Variants in GRIK1 observed in about 807,000 individuals in gnomAD.
The protein encoded by GRIK1 is glutamate ionotropic receptor kainate type subunit 1.
Under a neutral mutation model 105.7 loss-of-function variants are expected in GRIK1, and 69 were observed. The observed-to-expected ratio is 0.65, with a 90% CI of 0.54 to 0.80. GRIK1 has a LOEUF of 0.80. Among genes scored for constraint, GRIK1 ranks in the 30% least tolerant of loss-of-function variants. GRIK1 has a pLI of 0.00. For missense variants in GRIK1, 1,109 were observed against 1,167.3 expected (o/e 0.95, Z 0.73); for synonymous variants, 438 against 431.3 (o/e 1.02, Z -0.19).
At chr21:29,677,503 A>G (rs539996493) in intron 3 of GRIK1, among the ~76,000 whole-genome samples, 2 of 152,182 alleles carry the variant, frequency 1.3e-5, no homozygotes, top group African/African-American at 4.8e-5. Context: ...TACTCGGTGC[A>G]CTCAGATGTG....
chr21:29,888,198 T>TTTCTTTCTTCTTTCTTTCTTTCTTTCTTC lies in GRIK1; in HGVS notation c.118+51184_118+51185insGAAGAAAGAAAGAAAGAAAGAAGAAAGAA, dbSNP rs1555905563. ...CTTTCTTTCTTCCTTTCTTTCTTTCTCTCTCTCTCTCTCTCTCTCTCTCTC... is the reference window on the plus strand; with the variant it reads ...CTTTCTTTCTTCCTTTCTTTCTTTCTTTCTTTCTTCTTTCTTTCTTTCTTTCTTCCTCTCTCTCTCTCTCTCTCTCTCTC... On this transcript the variant is annotated intron_variant, in intron 1 of 17. Coordinates refer to ENST00000327783, the MANE Select transcript of GRIK1 (RefSeq NM_001330994.2). Among the ~76,000 whole-genome samples the TTTCTTTCTTCTTTCTTTCTTTCTTTCTTC allele has an allele frequency of 5.2e-5, 2 of 38,236 alleles. 1 individual carries two copies. Among genetic ancestry groups the TTTCTTTCTTCTTTCTTTCTTTCTTTCTTC allele is most frequent in the Non-Finnish European group, 1.2e-4 (2 of 16,216 alleles). The allele number at this position is 38,236 out of a possible 152,430, so 25.1% of individuals were successfully genotyped here. A position where few individuals can be genotyped will look rare whatever the true frequency, so the allele number is the denominator to read the frequency against.
At chr21:29,708,812 A>T (rs574331984) in intron 1 of GRIK1, among the ~76,000 whole-genome samples, 6 of 151,906 alleles carry the variant, frequency 3.9e-5, no homozygotes, top group Non-Finnish European at 8.8e-5. Flanking sequence ...TTTAATTTTT[A>T]TTTTTTTTGG....
intron 15 of GRIK1, among the ~76,000 whole-genome samples, chr21:29,561,246 T>C (rs1020823286): frequency 1.3e-5 from 2 of 152,160 alleles, no homozygotes; most frequent in Admixed American, 6.5e-5. Context: ...ATATGCAGAA[T>C]CAACTTTCTT....
intron 1 of GRIK1, among the ~76,000 whole-genome samples, chr21:29,719,018 A>G (rs2064247683): frequency 6.6e-6 from 1 of 151,790 alleles, no homozygotes; most frequent in Non-Finnish European, 1.5e-5. Context: ...GGAGATACAG[A>G]AATGCACAGA....
rs947332458 is a variant in GRIK1 at position 29,561,976 on chromosome 21, G to C, written c.2131-127C>G. 36 of 646,434 alleles carry C rather than the reference G, an allele frequency of 5.6e-5. No individual in the cohort carries two copies. The African/African-American group carries it at 6.5e-4, about 12-fold the overall frequency. 40.0% of individuals were successfully genotyped at this position (646,434 alleles called of 1,614,324 possible). ...CTTTCTCCACAGGTGGGGGAGTCAA[G>C]ATTGATGATCTCAAGGCTTCACTTT... On this transcript the variant is annotated intron_variant, in intron 14 of 17. Coordinates refer to ENST00000327783, the MANE Select transcript of GRIK1 (RefSeq NM_001330994.2).
chr21:29,641,242 G>A (rs561213894), intron 7 of GRIK1, among the ~76,000 whole-genome samples: 2 of 152,154 alleles, frequency 1.3e-5, no homozygotes, highest in Non-Finnish European at 2.9e-5. Flanking sequence ...ATTCCCATGT[G>A]TTGTGGGAGG....
At chr21:29,724,215 G>T (rs2146869698) in intron 1 of GRIK1, among the ~76,000 whole-genome samples, 1 of 152,328 alleles carries the variant, frequency 6.6e-6, no homozygotes, top group South Asian at 2.1e-4. Flanking sequence ...ATGGTTGTTT[G>T]AATGTCCCAA....
At chr21:29,809,669 CA>C (rs2056312390) in intron 1 of GRIK1, among the ~76,000 whole-genome samples, 1 of 152,200 alleles carries the variant, frequency 6.6e-6, no homozygotes, top group South Asian at 2.1e-4. Flanking sequence ...TTTTCTCTTG[CA>C]TTCACAACTT....
At chr21:29,760,145 A>G (rs2065468855) in intron 1 of GRIK1, 1 of 152,220 alleles carries the variant, frequency 6.6e-6, no homozygotes, top group Admixed American at 6.5e-5. Context: ...CCAAAGCCTT[A>G]CCTGTTTCTT....
At chr21:29,550,553 A>G (rs1373526488) in intron 16 of GRIK1, among the ~76,000 whole-genome samples, 5 of 152,340 alleles carry the variant, frequency 3.3e-5, no homozygotes, top group South Asian at 4.1e-4. Flanking sequence ...TAGAATTTCT[A>G]GAGACGAGGT....
At chr21:29,825,135 GGAATCATCAAA>G (rs1367792689) in intron 1 of GRIK1, among the ~76,000 whole-genome samples, 1 of 152,026 alleles carries the variant, frequency 6.6e-6, no homozygotes, top group African/African-American at 2.4e-5. Flanking sequence ...TCCTAAATGA[GGAATCATCAAA>G]GAAGTAAAAA....
At chr21:29,593,353 G>A (rs186827810) in intron 9 of GRIK1, among the ~76,000 whole-genome samples, 19 of 152,240 alleles carry the variant, frequency 1.2e-4, no homozygotes, top group South Asian at 1.0e-3. Context: ...CACATTATAC[G>A]TCTAATGGTT....
In GRIK1 at chr21:29,554,441, C is replaced by G. The variant is rs575973303; in HGVS notation, c.2607+611G>C. Among the ~76,000 whole-genome samples the G allele has an allele frequency of 5.1e-4, 77 of 152,204 alleles. No individual in the cohort carries two copies. The South Asian group carries it at 0.015, about 30-fold the overall frequency. On this transcript the variant is annotated intron_variant, in intron 16 of 17. Transcript: ENST00000327783. The stretch of plus-strand genomic sequence containing the variant: ...AAAAGTAGTAGGCAAAAATGGTCAA[C>G]TACTAAAGTTGTCCTATAATCCCAA...
At position 29,587,360 on chromosome 21, in the gene GRIK1, A is replaced by T; in HGVS notation, c.1793+6T>A. 6.3e-7 allele frequency: 1 copy of T among 1,576,456 alleles called. No individual in the cohort carries two copies. ...CTCTTGTGAATTCAGTGATTCTCAA[A>T]CTTACCTTGCAATCACAAAGAGTAC... is the stretch of plus-strand genomic sequence containing the variant. On this transcript the variant is annotated splice_donor_region_variant and intron_variant, in intron 12 of 17. Transcript: ENST00000327783.
intron 1 of GRIK1, among the ~76,000 whole-genome samples, chr21:29,928,260 C>T (rs1444731279): frequency 1.3e-5 from 2 of 152,200 alleles, no homozygotes; most frequent in African/African-American, 2.4e-5. Flanking sequence ...TTTGTTGCTT[C>T]TTTCGTTGCT....
At chr21:29,824,728 G>T (rs2067401436) in intron 1 of GRIK1, among the ~76,000 whole-genome samples, 1 of 152,002 alleles carries the variant, frequency 6.6e-6, no homozygotes, top group African/African-American at 2.4e-5. Flanking sequence ...AATCGAGATG[G>T]TTCAGGGACT....
chr21:29,680,480 T>G (rs1200842723), intron 3 of GRIK1, among the ~76,000 whole-genome samples: 1 of 152,192 alleles, frequency 6.6e-6, no homozygotes, highest in African/African-American at 2.4e-5. Context: ...TTTCTACCTT[T>G]GCCTCTGTAG....
chr21:29,867,819 T>TGAAAGAAAGAAAGAAA (rs1229314777), intron 1 of GRIK1, among the ~76,000 whole-genome samples: 1 of 45,926 alleles, frequency 2.2e-5, no homozygotes, highest in African/African-American at 1.0e-4. Flanking sequence ...AAAGAAAGAA[T>TGAAAGAAAGAAAGAAA]GAAAGAAAGA....
intron 1 of GRIK1, among the ~76,000 whole-genome samples, chr21:29,741,486 G>T (rs911322527): frequency 6.6e-6 from 1 of 152,046 alleles, no homozygotes; most frequent in East Asian, 1.9e-4. Context: ...TATCTTATCA[G>T]CCAAGAAGCA....
Sources: allele counts gnomAD v4.1 joint callset (sites outside exome capture counted in the v4.1 genomes callset), GRCh38; gene constraint gnomAD v4.1.1; transcripts MANE v1.5; gene names NCBI Gene and HGNC (gene_info 2026-07-23, HGNC 2026-07-21).